The following NLK variants were observed in gnomAD, a reference collection of about 807,000 sequenced individuals.
The protein encoded by NLK is serine/threonine-protein kinase NLK.
NLK carries 11 observed loss-of-function variants against 59.0 expected under a neutral mutation model. That is an observed-to-expected ratio of 0.19 (90% CI 0.12 to 0.31). The LOEUF (loss-of-function observed/expected upper bound fraction) is 0.31. Among genes scored for constraint, NLK ranks in the 10% least tolerant of loss-of-function variants. The probability of loss-of-function intolerance (pLI) is 1.00; values close to 1 mark genes in which losing one functional copy is unlikely to be tolerated. For missense variants in NLK, 410 were observed against 661.1 expected, an observed-to-expected ratio of 0.62 and a Z score of 4.16; for synonymous variants, 235 against 235.9, an observed-to-expected ratio of 1.00 and a Z score of 0.03.
At chr17:28,180,148 T>A (rs1263687718) in intron 7 of NLK, among the ~76,000 whole-genome samples, 2 of 152,178 alleles carry the variant, frequency 1.3e-5, no homozygotes, top group Non-Finnish European at 2.9e-5. Flanking sequence ...AAGTATGTAA[T>A]ATGGCTGTTC....
downstream of NLK, among the ~76,000 whole-genome samples, chr17:28,201,140 G>T (rs572259172): frequency 6.6e-6 from 1 of 152,284 alleles, no homozygotes; most frequent in South Asian, 2.1e-4. Flanking sequence ...CATGCAGTGG[G>T]TGTGATCTTG....
chr17:28,045,641 A>G lies in NLK; in HGVS notation c.458+2310A>G, dbSNP rs114402311. Among the ~76,000 whole-genome samples, 949 of 152,192 alleles carry G rather than the reference A, an allele frequency of 6.2e-3. 10 individuals are homozygous for G. Among genetic ancestry groups the G allele is most frequent in the African/African-American group, 0.022 (917 of 41,530 alleles). On this transcript the variant is annotated intron_variant, in intron 1 of 10. Coordinates refer to ENST00000407008, the MANE Select transcript of NLK (RefSeq NM_016231.5). ...TGTTTTAGTATGCAAATGCTTTTCT[A>G]TTTTTATATTTACATGTCAATGACT...
At chr17:28,063,251 GTCATTTCTTATC>G (rs1052604877) in intron 1 of NLK, among the ~76,000 whole-genome samples, 5 of 152,266 alleles carry the variant, frequency 3.3e-5, no homozygotes, top group Non-Finnish European at 7.4e-5. Flanking sequence ...GTTTTAAGAA[GTCATTTCTTATC>G]TTTTTCTCTT....
intron 7 of NLK, among the ~76,000 whole-genome samples, chr17:28,174,682 C>A (rs561614789): frequency 1.3e-5 from 2 of 152,332 alleles, no homozygotes; most frequent in East Asian, 3.9e-4. Context: ...ATATTGCCTG[C>A]TTCCACTTTT....
At chr17:28,081,259 C>A (rs1263521909) in intron 1 of NLK, among the ~76,000 whole-genome samples, 2 of 151,844 alleles carry the variant, frequency 1.3e-5, no homozygotes, top group Non-Finnish European at 2.9e-5. Context: ...AGTGCAGCGG[C>A]GTGCGTGATC....
chr17:28,146,519 CTGTTTTATAAA>C (rs1907261934), intron 3 of NLK, among the ~76,000 whole-genome samples: 1 of 152,076 alleles, frequency 6.6e-6, no homozygotes, highest in Admixed American at 6.6e-5. Context: ...GTTCCTGTAC[CTGTTTTATAAA>C]TGCAGGAACA....
chr17:28,085,655 C>T (rs1314244354), intron 1 of NLK, among the ~76,000 whole-genome samples: 2 of 152,116 alleles, frequency 1.3e-5, no homozygotes, highest in African/African-American at 4.8e-5. Context: ...ACAGGAGAAC[C>T]GCTTGAACCC....
chr17:28,157,617 A>T (rs937272794), intron 3 of NLK, among the ~76,000 whole-genome samples: 3 of 152,272 alleles, frequency 2.0e-5, no homozygotes. Context: ...ATGAGCCACC[A>T]CACCTGGCCT....
chr17:28,200,199 T>C (rs141469532), downstream of NLK, among the ~76,000 whole-genome samples: 2 of 152,358 alleles, frequency 1.3e-5, no homozygotes, highest in African/African-American at 4.8e-5. Flanking sequence ...CTTTTGTAAC[T>C]CATGGTTTTG....
At chr17:28,086,633 A>T (rs1356027726) in intron 1 of NLK, among the ~76,000 whole-genome samples, 2 of 151,990 alleles carry the variant, frequency 1.3e-5, no homozygotes, top group African/African-American at 2.4e-5. Flanking sequence ...AAATATTTTT[A>T]AATTTTTTTT....
intron 1 of NLK, among the ~76,000 whole-genome samples, chr17:28,066,519 T>C (rs1260880892): frequency 6.6e-6 from 1 of 152,244 alleles, no homozygotes; most frequent in Non-Finnish European, 1.5e-5. Context: ...CTTCACCTGT[T>C]GATGGACATT....
intron 3 of NLK, 125 bp downstream of exon 3, chr17:28,132,800 C>T (rs1597700328): frequency 2.5e-6 from 2 of 789,970 alleles, no homozygotes; most frequent in East Asian, 2.8e-5. Flanking sequence ...GATTGAGTAC[C>T]TGGAACCAGG....
intron 2 of NLK, among the ~76,000 whole-genome samples, chr17:28,128,482 G>A (rs1330172495): frequency 1.3e-5 from 2 of 152,084 alleles, no homozygotes; most frequent in Admixed American, 1.3e-4. Flanking sequence ...CATATGTAAA[G>A]ACCTTCTATA....
At chr17:28,147,455 T>C (rs539986579) in intron 3 of NLK, among the ~76,000 whole-genome samples, 4 of 152,302 alleles carry the variant, frequency 2.6e-5, no homozygotes, top group African/African-American at 7.2e-5. Context: ...CTTCCTAAAA[T>C]AGATGCAGCA....
At position 28,099,568 on chromosome 17, in the gene NLK, C is replaced by CTTTTTTTTT. The variant is rs945214545; in HGVS notation, c.459-23022_459-23014dup. Among the ~76,000 whole-genome samples, 395 of 122,910 alleles carry CTTTTTTTTT rather than the reference C, an allele frequency of 3.2e-3. 16 individuals are homozygous for CTTTTTTTTT. The highest frequency in any genetic ancestry group is 0.013 in the African/African-American group (380 of 30,030). 80.6% of individuals were successfully genotyped at this position (122,910 alleles called of 152,430 possible). On this transcript the variant is annotated intron_variant, in intron 1 of 10. Coordinates refer to ENST00000407008, the MANE Select transcript of NLK (RefSeq NM_016231.5). ...ATTGTAAATAGTCTTTTGTGTTTGA[C>CTTTTTTTTT]TTTTTTTTTTTTTTTTTTTTTGAGA...
intron 7 of NLK, 43 bp downstream of exon 7, chr17:28,172,661 G>T: frequency 1.7e-6 from 2 of 1,162,782 alleles, no homozygotes; most frequent in South Asian, 1.8e-5. Context: ...CATCTGTTTG[G>T]GCAAGATTTC....
At chr17:28,047,726 C>T in intron 1 of NLK, among the ~76,000 whole-genome samples, 1 of 152,158 alleles carries the variant, frequency 6.6e-6, no homozygotes, top group East Asian at 1.9e-4. Flanking sequence ...GATTGTCTAG[C>T]TTGCTCATCT....
chr17:28,152,405 A>C (rs1366637003), intron 3 of NLK, among the ~76,000 whole-genome samples: 1 of 152,250 alleles, frequency 6.6e-6, no homozygotes, highest in Non-Finnish European at 1.5e-5. Flanking sequence ...TTGAAAATTA[A>C]GATGTTTTCT....
intron 1 of NLK, among the ~76,000 whole-genome samples, chr17:28,084,218 G>A (rs1910438278): frequency 6.6e-6 from 1 of 152,170 alleles, no homozygotes; most frequent in Non-Finnish European, 1.5e-5. Context: ...CAAAGTGAAA[G>A]TAAAAGACCC....
Sources: allele counts gnomAD v4.1 joint callset (sites outside exome capture counted in the v4.1 genomes callset), GRCh38; gene constraint gnomAD v4.1.1; transcripts MANE v1.5; gene names NCBI Gene and HGNC (gene_info 2026-07-23, HGNC 2026-07-21).